IFT25: variants seen among roughly 807,000 people sequenced by gnomAD.
IFT25 encodes intraflagellar transport protein 25 homolog.
the IFT25 span, among the ~76,000 whole-genome samples, chr1:53,941,406 A>G: frequency 6.6e-6 from 1 of 152,230 alleles, no homozygotes; most frequent in Non-Finnish European, 1.5e-5. Flanking sequence ...AATATTTTAT[A>G]AAAATGCATT....
the IFT25 span, among the ~76,000 whole-genome samples, chr1:53,914,609 C>T: frequency 2.0e-5 from 3 of 152,086 alleles, no homozygotes; most frequent in Non-Finnish European, 4.4e-5. Flanking sequence ...GTCCACTTAT[C>T]TTTGTATATT....
At chr1:53,928,918 A>C in the IFT25 span, 1 of 153,570 alleles carries the variant, frequency 6.5e-6, no homozygotes, top group African/African-American at 2.4e-5. Flanking sequence ...AATGGAATTC[A>C]AACTTTAGGT....
At chr1:53,926,503 A>T in the IFT25 span, among the ~76,000 whole-genome samples, 1 of 152,158 alleles carries the variant, frequency 6.6e-6, no homozygotes, top group South Asian at 2.1e-4. Flanking sequence ...CCATAATACC[A>T]CCATCATAAC....
At chr1:53,928,328 TA>T in the IFT25 span, 2 of 1,398,868 alleles carry the variant, frequency 1.4e-6, no homozygotes, top group Non-Finnish European at 2.0e-6. Flanking sequence ...AAAGGAATAT[TA>T]TCTACTCCTT....
chr1:53,941,238 C>T, the IFT25 span, among the ~76,000 whole-genome samples: 1 of 152,000 alleles, frequency 6.6e-6, no homozygotes, highest in African/African-American at 2.4e-5. Flanking sequence ...TGTGATCCAC[C>T]CACCTCAGCC....
At chr1:53,932,513 C>A in the IFT25 span, among the ~76,000 whole-genome samples, 1 of 152,246 alleles carries the variant, frequency 6.6e-6, no homozygotes, top group East Asian at 1.9e-4. Context: ...AGATTTTAAT[C>A]TTGAAATATA....
chr1:53,930,225 T>C, the IFT25 span: 30 of 1,325,078 alleles, frequency 2.3e-5, no homozygotes, highest in South Asian at 4.4e-4. Flanking sequence ...TACCTGTTTT[T>C]TAAAATTAAA....
the IFT25 span, chr1:53,928,303 G>A: frequency 2.4e-6 from 3 of 1,228,192 alleles, no homozygotes; most frequent in South Asian, 1.2e-5. Flanking sequence ...GCAGCTAGAT[G>A]AGAAATGCAG....
At chr1:53,935,889 T>C in the IFT25 span, among the ~76,000 whole-genome samples, 1 of 152,212 alleles carries the variant, frequency 6.6e-6, no homozygotes, top group Non-Finnish European at 1.5e-5. Flanking sequence ...TTAATTTTAA[T>C]TGCCTCATGT....
the IFT25 span, among the ~76,000 whole-genome samples, chr1:53,912,386 A>G: frequency 6.6e-6 from 1 of 152,234 alleles, no homozygotes; most frequent in Non-Finnish European, 1.5e-5. Context: ...GCAAAGATGG[A>G]CGAGGAAGAG....
At chr1:53,937,863 G>C in the IFT25 span, among the ~76,000 whole-genome samples, 12 of 152,178 alleles carry the variant, frequency 7.9e-5, no homozygotes, top group African/African-American at 2.9e-4. Flanking sequence ...CTCCAAGACA[G>C]AGTAGGATAG....
At chr1:53,913,037 G>T in the IFT25 span, among the ~76,000 whole-genome samples, 1 of 152,144 alleles carries the variant, frequency 6.6e-6, no homozygotes, top group African/African-American at 2.4e-5. Context: ...TGCTGTGAGT[G>T]TTGGCTGCTA....
chr1:53,939,791 A>G, the IFT25 span: 1 of 516,484 alleles, frequency 1.9e-6, no homozygotes, highest in Non-Finnish European at 3.4e-6. Flanking sequence ...TAGGCATTAT[A>G]AAGAAAAGGA....
At chr1:53,919,678 A>T in the IFT25 span, among the ~76,000 whole-genome samples, 1 of 152,224 alleles carries the variant, frequency 6.6e-6, no homozygotes, top group African/African-American at 2.4e-5. Context: ...ATTTTTAATA[A>T]ATCAATAGAT....
the IFT25 span, among the ~76,000 whole-genome samples, chr1:53,936,810 CCT>C: frequency 6.6e-6 from 1 of 151,852 alleles, no homozygotes; most frequent in African/African-American, 2.4e-5. Context: ...CTTCTTTTCC[CCT>C]TTTTCATTGA....
chr1:53,926,587 T>A, the IFT25 span, among the ~76,000 whole-genome samples: 28 of 152,344 alleles, frequency 1.8e-4, no homozygotes, highest in Admixed American at 3.3e-4. Context: ...CTGTCTTTTT[T>A]AATTGGTTTA....
chr1:53,920,137 A>C, the IFT25 span, among the ~76,000 whole-genome samples: 1 of 152,116 alleles, frequency 6.6e-6, no homozygotes, highest in Non-Finnish European at 1.5e-5. Context: ...CTTCCACATC[A>C]ATGAGCAGGA....
the IFT25 span, among the ~76,000 whole-genome samples, chr1:53,932,929 G>T: frequency 1.3e-5 from 2 of 152,250 alleles, no homozygotes; most frequent in African/African-American, 2.4e-5. Flanking sequence ...CAAAGTCAAG[G>T]TTATGACATT....
chr1:53,944,529 C>G, the IFT25 span, among the ~76,000 whole-genome samples: 9 of 152,308 alleles, frequency 5.9e-5, no homozygotes, highest in African/African-American at 2.2e-4. Context: ...CCTGTAATCC[C>G]AGCTACTCCG....
Sources: gnomAD v4.1 joint callset for allele counts (sites outside exome capture counted in the v4.1 genomes callset) on GRCh38, gnomAD v4.1.1 for gene constraint, MANE v1.5 for transcripts, NCBI Gene and HGNC (gene_info 2026-07-23, HGNC 2026-07-21) for gene names.